TTLL4: variants seen among roughly 807,000 people sequenced by gnomAD.
TTLL4 encodes tubulin monoglutamylase TTLL4.
In TTLL4, 85 loss-of-function variants were observed where a neutral mutation model predicts 122.7. The observed-to-expected ratio is 0.69, with a 90% CI of 0.58 to 0.83. The LOEUF (loss-of-function observed/expected upper bound fraction) is 0.83, where lower values mean the gene tolerates loss of function less well. TTLL4 is among the 40% of genes least tolerant of loss of function. The probability of loss-of-function intolerance (pLI) is 0.00; values close to 1 mark genes in which losing one functional copy is unlikely to be tolerated. For missense variants in TTLL4, 1,363 were observed against 1,488.6 expected (o/e 0.92, Z 1.39); for synonymous variants, 553 against 563.0 (o/e 0.98, Z 0.25).
intron 5 of TTLL4, among the ~76,000 whole-genome samples, chr2:218,740,980 C>T (rs1479748871): frequency 6.6e-6 from 1 of 152,038 alleles, no homozygotes; most frequent in Non-Finnish European, 1.5e-5. Context: ...GGCTGAGGCA[C>T]GAGAATCACT....
chr2:218,753,241 T>G, intron 18 of TTLL4, 56 bp downstream of exon 18: 1 of 1,590,830 alleles, frequency 6.3e-7, no homozygotes. Context: ...CTCCTCTGCC[T>G]TATGAGTGCA....
At chr2:218,741,030 G>A (rs1257848804) in intron 5 of TTLL4, among the ~76,000 whole-genome samples, 1 of 152,092 alleles carries the variant, frequency 6.6e-6, no homozygotes, top group African/African-American at 2.4e-5. Context: ...CTGAGATCGC[G>A]CTGCTGCACT....
downstream of TTLL4, among the ~76,000 whole-genome samples, chr2:218,757,829 C>CA (rs913478318): frequency 1.3e-5 from 2 of 152,160 alleles, no homozygotes; most frequent in African/African-American, 4.8e-5. Flanking sequence ...AGGTGACCAA[C>CA]AAAGGCAGAC....
intron 5 of TTLL4, among the ~76,000 whole-genome samples, 185 bp from the exon 6 acceptor site, chr2:218,744,924 A>T (rs573341596): frequency 1.8e-4 from 28 of 152,222 alleles, no homozygotes; most frequent in Non-Finnish European, 3.4e-4. Flanking sequence ...GTGTGGTTGT[A>T]TGTAGGTTAG....
At chr2:218,720,862 A>G (rs1942015411) in intron 1 of TTLL4, among the ~76,000 whole-genome samples, 1 of 152,134 alleles carries the variant, frequency 6.6e-6, no homozygotes. Flanking sequence ...ATGTGATTAG[A>G]GGGTTGGAAC....
chr2:218,741,811 T>C (rs1327806501), intron 5 of TTLL4, among the ~76,000 whole-genome samples: 4 of 152,246 alleles, frequency 2.6e-5, no homozygotes, highest in African/African-American at 9.6e-5. Flanking sequence ...TCAGGACTGC[T>C]ACACAACCCT....
chr2:218,746,394 C>T, intron 8 of TTLL4, 163 bp downstream of exon 8: 2 of 681,610 alleles, frequency 2.9e-6, no homozygotes, highest in Non-Finnish European at 5.0e-6. Flanking sequence ...CAGTGAGAGA[C>T]TCCAGTGGAT....
At chr2:218,753,717 G>C (rs767566169) in intron 19 of TTLL4, 48 bp downstream of exon 19, 45 of 1,595,302 alleles carry the variant, frequency 2.8e-5, no homozygotes, top group Non-Finnish European at 3.9e-5. Flanking sequence ...TGAGTTTGTA[G>C]AGTTTTCTTC....
intron 1 of TTLL4, among the ~76,000 whole-genome samples, chr2:218,717,133 A>T (rs564387136): frequency 7.6e-4 from 112 of 147,000 alleles, no homozygotes; most frequent in Admixed American, 1.4e-3. Context: ...GATTTTTTGT[A>T]TTTTTTTTTT....
chr2:218,714,535 G>A (rs1941801717), intron 1 of TTLL4, among the ~76,000 whole-genome samples: 1 of 152,046 alleles, frequency 6.6e-6, no homozygotes, highest in South Asian at 2.1e-4. Flanking sequence ...TTTTCTTCTG[G>A]CAGAGTTGGG....
At chr2:218,722,109 T>G (rs927469901) in intron 1 of TTLL4, among the ~76,000 whole-genome samples, 12 of 152,004 alleles carry the variant, frequency 7.9e-5, no homozygotes, top group Non-Finnish European at 1.6e-4. Flanking sequence ...TAGCAAGACC[T>G]TATCTCTACA....
rs776330451 is a variant in TTLL4, at chr2:218,738,535, T to G, written c.859T>G (p.Leu287Val). ...AGCTGATGCCAGTGCCCATATCGCC[T>G]TGTCTACCGCTAGCTCCCACGACAC... Reference protein sequence around the residue: ...VPADASAHIALSTASSHDTST... With the variant: ...VPADASAHIAVSTASSHDTST... Residue 287 changes from leucine to valine, a missense_variant, in exon 3 of 20, where the codon TTG (leucine) becomes GTG (valine). By Grantham distance (32) the Leu-to-Val change is conservative. This residue lies in a region of TTLL4 where 760 missense variants were observed against 808.4 expected (regional missense o/e 0.94). Transcript: ENST00000392102. The G allele has an allele frequency of 1.9e-6, 3 of 1,614,154 alleles. No individual in the cohort carries two copies. In the South Asian group the frequency reaches 3.3e-5, roughly 18 times the overall value.
chr2:218,733,491 T>C (rs1942435477), intron 2 of TTLL4, among the ~76,000 whole-genome samples: 1 of 152,196 alleles, frequency 6.6e-6, no homozygotes, highest in Non-Finnish European at 1.5e-5. Flanking sequence ...TCCGCCTCCA[T>C]GATCCAGTCA....
At chr2:218,741,752 A>T (rs1016068537) in intron 5 of TTLL4, among the ~76,000 whole-genome samples, 1 of 152,216 alleles carries the variant, frequency 6.6e-6, no homozygotes, top group East Asian at 1.9e-4. Flanking sequence ...AAGATATTTG[A>T]CATGTAATTG....
In TTLL4 at chr2:218,740,525, C is replaced by G. The variant is rs1005501592; in HGVS notation, c.1602C>G (p.Asp534Glu). 1 of 1,614,038 alleles carries G rather than the reference C, an allele frequency of 6.2e-7. No individual in the cohort carries two copies. Among genetic ancestry groups the G allele is most frequent in the African/African-American group, 1.3e-5 (1 of 74,916 alleles). ...SRDENEEEEG[D>E]SECSSLSAVS... The stretch of plus-strand genomic sequence containing the variant: ...CTCTGTTCTTCCTTCCTCTAGGAGA[C>G]TCAGAGTGCTCCTCATTAAGTGCTG... The change falls in exon 5 of 20, where the codon GAC becomes GAG. Residue 534 changes from aspartate (D) to glutamate (E), a missense_variant. This residue lies in a region of TTLL4 where 760 missense variants were observed against 808.4 expected (regional missense o/e 0.94). Coordinates refer to ENST00000392102, the MANE Select transcript of TTLL4 (RefSeq NM_014640.5).
At chr2:218,751,300 T>C (rs1255539925) in intron 15 of TTLL4, among the ~76,000 whole-genome samples, 3 of 152,146 alleles carry the variant, frequency 2.0e-5, no homozygotes, top group African/African-American at 4.8e-5. Flanking sequence ...GTGATTATGG[T>C]AATTGTAGTA....
chr2:218,736,147 G>T (rs6751825), intron 2 of TTLL4, among the ~76,000 whole-genome samples: 1 of 151,602 alleles, frequency 6.6e-6, no homozygotes, highest in Non-Finnish European at 1.5e-5. Context: ...GCTGATTTTT[G>T]TATTTTTTGT....
At chr2:218,727,874 T>C (rs2106409607) in intron 2 of TTLL4, among the ~76,000 whole-genome samples, 1 of 152,282 alleles carries the variant, frequency 6.6e-6, no homozygotes, top group South Asian at 2.1e-4. Context: ...TAGTTCTCTG[T>C]TTGCTGTTAT....
At chr2:218,750,256 C>T in intron 15 of TTLL4, 110 bp downstream of exon 15, 1 of 1,449,536 alleles carries the variant, frequency 6.9e-7, no homozygotes, top group Non-Finnish European at 9.2e-7. Context: ...CCCCTTGCTG[C>T]TCAATCTTGC....
Sources: gnomAD v4.1 joint callset for allele counts (sites outside exome capture counted in the v4.1 genomes callset) on GRCh38, gnomAD v4.1.1 for gene constraint, gnomAD v4.1.1 regional missense constraint, MANE v1.5 for transcripts, NCBI Gene and HGNC (gene_info 2026-07-23, HGNC 2026-07-21) for gene names.